FMN2: variants seen among roughly 807,000 people sequenced by gnomAD.
FMN2 encodes the protein formin 2.
FMN2 carries 51 observed loss-of-function variants against 142.3 expected under a neutral mutation model. That is an observed-to-expected ratio of 0.36 (90% CI 0.29 to 0.45). The LOEUF (loss-of-function observed/expected upper bound fraction) is 0.45. Ranked by LOEUF, FMN2 falls within the 20% of genes least tolerant of loss-of-function variation. FMN2 has a pLI of 1.00. For synonymous variants in FMN2, 882 were observed against 869.8 expected (o/e 1.01, Z -0.25); for missense variants, 1,936 against 2,122.8 (o/e 0.91, Z 1.73).
At chr1:240,253,344 A>G (rs1337187351) in intron 6 of FMN2, among the ~76,000 whole-genome samples, 4 of 152,032 alleles carry the variant, frequency 2.6e-5, no homozygotes, top group Non-Finnish European at 5.9e-5. Context: ...TTCAAGTTCT[A>G]AAATTCTTTC....
chr1:240,373,465 C>T (rs1444671813), intron 14 of FMN2, among the ~76,000 whole-genome samples: 1 of 152,208 alleles, frequency 6.6e-6, no homozygotes, highest in Non-Finnish European at 1.5e-5. Flanking sequence ...AATCAGTCCT[C>T]TCAAACCCTG....
intron 16 of FMN2, among the ~76,000 whole-genome samples, chr1:240,456,752 G>A (rs1439108530): frequency 6.6e-6 from 1 of 152,130 alleles, no homozygotes; most frequent in Non-Finnish European, 1.5e-5. Flanking sequence ...CACTGCACCC[G>A]GCGGAAGAGT....
At chr1:240,255,502 G>T in intron 6 of FMN2, among the ~76,000 whole-genome samples, 2 of 152,132 alleles carry the variant, frequency 1.3e-5, no homozygotes, top group East Asian at 3.9e-4. Context: ...ATAAAGTATA[G>T]AACTAAATGC....
At chr1:240,258,516 T>C (rs1668525086) in intron 7 of FMN2, among the ~76,000 whole-genome samples, 1 of 152,172 alleles carries the variant, frequency 6.6e-6, no homozygotes, top group African/African-American at 2.4e-5. Context: ...ACGAGAATTC[T>C]ACCCTTGTGA....
At chr1:240,161,161 T>C (rs1220224910) in intron 2 of FMN2, among the ~76,000 whole-genome samples, 1 of 152,174 alleles carries the variant, frequency 6.6e-6, no homozygotes, top group East Asian at 1.9e-4. Flanking sequence ...TAGATGCAAT[T>C]CTAATCAATG....
chr1:240,437,571 G>C (rs1166780691), intron 15 of FMN2, among the ~76,000 whole-genome samples: 4 of 152,054 alleles, frequency 2.6e-5, no homozygotes, highest in Non-Finnish European at 4.4e-5. Context: ...CAAAGTGCTG[G>C]GATTACAGGC....
At chr1:240,170,182 G>A (rs1196773760) in intron 2 of FMN2, 1 of 1,131,216 alleles carries the variant, frequency 8.8e-7, no homozygotes, top group Admixed American at 2.0e-5. Flanking sequence ...GGTGAACCAG[G>A]TTATCAAGTG....
At chr1:240,313,362 G>A (rs1246985433) in intron 8 of FMN2, among the ~76,000 whole-genome samples, 5 of 152,102 alleles carry the variant, frequency 3.3e-5, no homozygotes, top group Non-Finnish European at 7.4e-5. Flanking sequence ...GTCACCTAAT[G>A]TCTGACACTT....
chr1:240,148,327 GAGAC>G (rs1166669490), intron 2 of FMN2, among the ~76,000 whole-genome samples: 49 of 149,104 alleles, frequency 3.3e-4, no homozygotes, highest in African/African-American at 8.3e-4. Context: ...CAGAAACAGA[GAGAC>G]AGACAGATAA....
chr1:240,159,974 T>TACACACACACACAC (rs1185408892), intron 2 of FMN2, among the ~76,000 whole-genome samples: 25 of 134,076 alleles, frequency 1.9e-4, no homozygotes, highest in African/African-American at 7.0e-4. Flanking sequence ...TATATATATA[T>TACACACACACACAC]ACACACACAC....
chr1:240,216,880 C>T (rs1464058471), intron 6 of FMN2, among the ~76,000 whole-genome samples: 1 of 151,464 alleles, frequency 6.6e-6, no homozygotes, highest in Admixed American at 6.6e-5. Context: ...ACCCGGGAGG[C>T]GGAGGTTGCA....
chr1:240,340,297 C>CG (rs1671703583), intron 13 of FMN2, among the ~76,000 whole-genome samples: 2 of 151,872 alleles, frequency 1.3e-5, no homozygotes, highest in Non-Finnish European at 2.9e-5. Flanking sequence ...ACTCTTAGTC[C>CG]GGGCCGGGTG....
At chr1:240,334,947 T>C (rs10926223) in intron 13 of FMN2, among the ~76,000 whole-genome samples, 29,762 of 152,138 alleles carry the variant, frequency 0.2, 3,311 homozygotes, top group Admixed American at 0.34. Flanking sequence ...TGATTTGATA[T>C]TGTGTTACTA....
chr1:240,404,650 G>A (rs1257058999), intron 15 of FMN2, among the ~76,000 whole-genome samples: 6 of 152,082 alleles, frequency 3.9e-5, no homozygotes, highest in Non-Finnish European at 7.4e-5. Context: ...TTTTATTTTC[G>A]GGCCGTGTGG....
At chr1:240,438,315 C>T in intron 16 of FMN2, 105 bp downstream of exon 16, 1 of 1,244,800 alleles carries the variant, frequency 8.0e-7, no homozygotes, top group Non-Finnish European at 1.1e-6. Flanking sequence ...ATTAGATGGC[C>T]CTCAACCCGG....
Position 240,474,477 on chromosome 1 carries a change from A to G in FMN2, c.*323A>G. On this transcript the variant is annotated 3_prime_UTR_variant, in exon 18 of 18. Coordinates refer to ENST00000319653, the MANE Select transcript of FMN2 (RefSeq NM_020066.5). The stretch of plus-strand genomic sequence containing the variant: ...ACATGCTAAACATTAACTACAATTC[A>G]CTGTTGTGAGAATATTCCTCGTCAC... 1 of 234,218 alleles carries G rather than the reference A, an allele frequency of 4.3e-6. No individual in the cohort carries two copies. The highest frequency in any genetic ancestry group is 7.8e-6 in the Non-Finnish European group (1 of 127,796). The allele number at this position is 234,218 out of a possible 1,614,324, so 14.5% of individuals were successfully genotyped here. A position where few individuals can be genotyped will look rare whatever the true frequency, so the allele number is the denominator to read the frequency against.
intron 14 of FMN2, among the ~76,000 whole-genome samples, chr1:240,360,273 G>GAAACA (rs1558451946): frequency 6.6e-6 from 1 of 152,088 alleles, no homozygotes; most frequent in African/African-American, 2.4e-5. Context: ...ACCTCGATGA[G>GAAACA]AAACAGTTAC....
intron 1 of FMN2, among the ~76,000 whole-genome samples, chr1:240,112,408 G>A (rs1224557195): frequency 6.6e-6 from 1 of 151,898 alleles, no homozygotes; most frequent in Non-Finnish European, 1.5e-5. Flanking sequence ...GGGATTACAG[G>A]CGTGAGCCAC....
chr1:240,332,263 T>TA (rs11434004), intron 11 of FMN2, among the ~76,000 whole-genome samples: 47,252 of 148,890 alleles, frequency 0.32, 7,861 homozygotes, highest in African/African-American at 0.44. Context: ...TTACATTTGT[T>TA]AAAAAAAAAA....
Sources: gnomAD v4.1 joint callset for allele counts (sites outside exome capture counted in the v4.1 genomes callset) on GRCh38, gnomAD v4.1.1 for gene constraint, MANE v1.5 for transcripts, NCBI Gene and HGNC (gene_info 2026-07-23, HGNC 2026-07-21) for gene names.